The following NACA variants were observed in gnomAD, a reference collection of about 807,000 sequenced individuals.
The protein encoded by NACA is nascent polypeptide-associated complex subunit alpha.
NACA carries 42 observed loss-of-function variants against 86.4 expected under a neutral mutation model. The ratio of observed to expected loss-of-function variants is 0.49; its 90% CI spans 0.38 to 0.63. The LOEUF (loss-of-function observed/expected upper bound fraction) is 0.63, where lower values mean the gene tolerates loss of function less well. Ranked by LOEUF, NACA falls within the 20% of genes least tolerant of loss-of-function variation. NACA has a pLI of 0.00. For synonymous variants in NACA, 898 were observed against 973.7 expected (o/e 0.92, Z 1.45); for missense variants, 2,157 against 2,483.6 (o/e 0.87, Z 2.80).
intron 5 of NACA, chr12:56,714,010 A>G (rs1474500722): frequency 5.3e-6 from 2 of 376,388 alleles, no homozygotes; most frequent in African/African-American, 4.1e-5. Context: ...GCCCTGCTAT[A>G]TATTTTTGGT....
rs750209011 is a variant in NACA at position 56,720,705 on chromosome 12, G to C, written c.825C>G (p.Ala275=). The change falls in exon 3 of 9, where the codon GCC becomes GCG. Residue 275 remains alanine (A), a synonymous_variant. Coordinates refer to ENST00000454682, the MANE Select transcript of NACA (RefSeq NM_001365896.1). ...GAAGAGACTGAGTTGAAAGAGATAA[G>C]GCAGCAGGTGGACTAACAGGCCCCT... is the stretch of plus-strand genomic sequence containing the variant. ...SLKGPVSPPA[A]LSLSTQSLPV... The C allele has an allele frequency of 6.2e-6, 10 of 1,613,854 alleles. No individual in the cohort carries two copies. The highest frequency in any genetic ancestry group is 1.7e-5 in the Admixed American group (1 of 60,002).
At chr12:56,714,813 A>T (rs147964444) in intron 3 of NACA, 126 bp from the exon 4 acceptor site, 861 of 857,682 alleles carry the variant, frequency 1.0e-3, no homozygotes, top group Non-Finnish European at 1.5e-3. Flanking sequence ...ATGTAAACCA[A>T]CTGGCTTGTG....
chr12:56,713,249 C>A (rs1953263692), intron 6 of NACA, 59 bp from the exon 7 acceptor site: 4 of 1,569,324 alleles, frequency 2.5e-6, no homozygotes, highest in East Asian at 2.3e-5. Flanking sequence ...AAAAATAAAT[C>A]ATATAGTTTC....
In NACA at chr12:56,717,121, A is replaced by C; in HGVS notation, c.4409T>G (p.Val1470Gly). The change falls in exon 3 of 9, where the codon GTG becomes GGG. Residue 1470 changes from valine (V) to glycine (G), a missense_variant. By Grantham distance (109) the Val-to-Gly change is moderately radical (BLOSUM62 -3). This residue lies in a region of NACA where 797 missense variants were observed against 777.6 expected (regional missense o/e 1.02). Coordinates refer to ENST00000454682, the MANE Select transcript of NACA (RefSeq NM_001365896.1). The stretch of plus-strand genomic sequence containing the variant: ...GGGCTCCTTGGGGGAAGGAGGAGTC[A>C]CTGCTGGGAGGGTGGGATCCCCTTT... The part of the protein sequence containing the change: ...SSKGDPTLPA[V>G]TPPSPKEPPA... 1 of 1,237,030 alleles carries C rather than the reference A, an allele frequency of 8.1e-7. No homozygotes were observed. The highest frequency in any genetic ancestry group is 1.0e-6 in the Non-Finnish European group (1 of 973,098). 76.6% of individuals were successfully genotyped at this position (1,237,030 alleles called of 1,614,324 possible).
At chr12:56,714,552 G>A in intron 4 of NACA, 50 bp downstream of exon 4, 1 of 1,608,572 alleles carries the variant, frequency 6.2e-7, no homozygotes, top group Admixed American at 1.7e-5. Flanking sequence ...AAGTTGCCCT[G>A]ATCAACCCTG....
rs376889735 is a variant in NACA, at chr12:56,716,870, T to C, written c.4660A>G (p.Thr1554Ala). Residue 1554 changes from threonine to alanine, a missense_variant, in exon 3 of 9, where the codon ACT (threonine) becomes GCT (alanine). Around this residue, in one of 8 missense-constraint regions of NACA, gnomAD observed 797 missense variants for 777.6 expected, o/e 1.02. Coordinates refer to ENST00000454682, the MANE Select transcript of NACA (RefSeq NM_001365896.1). ...GGGGTCTTTTTAGGGGAGGGAACAG[T>C]CATAGCTGGGGGAATGAGGGCCTCT... ...PKEALIPPAMTVPSPKKTPAI... is the reference protein window; with the variant it reads ...PKEALIPPAMAVPSPKKTPAI... 2.7e-4 allele frequency: 355 copies of C among 1,319,230 alleles called. No individual in the cohort carries two copies. The highest frequency in any genetic ancestry group is 3.3e-4 in the Non-Finnish European group (337 of 1,014,330). The allele number at this position is 1,319,230 out of a possible 1,614,324, so 81.7% of individuals were successfully genotyped here.
chr12:56,723,349 T>A (rs1363333995), intron 2 of NACA, among the ~76,000 whole-genome samples: 1 of 152,244 alleles, frequency 6.6e-6, no homozygotes, highest in African/African-American at 2.4e-5. Flanking sequence ...TCTAAATTCA[T>A]CTGAATTTCA....
chr12:56,719,904 G>A lies in NACA; in HGVS notation c.1626C>T (p.Ala542=). ...GTCCTGCTTGGGCTGGAGAGAAAGG[G>A]GCTCCTTCAAGAGAGGCAGGTACAG... ...LQTVPASLEG[A]PFSPAQAGLT... is the part of the protein sequence containing the mutation. Residue 542 remains alanine, a synonymous_variant, in exon 3 of 9, where the codon GCC becomes GCT. Coordinates refer to ENST00000454682, the MANE Select transcript of NACA (RefSeq NM_001365896.1). 1.2e-6 allele frequency: 2 copies of A among 1,613,834 alleles called. No homozygotes were observed. Among genetic ancestry groups the A allele is most frequent in the Non-Finnish European group, 1.7e-6 (2 of 1,179,856 alleles).
Position 56,723,096 on chromosome 12 carries a change from C to G in NACA, c.70+1356G>C, listed in dbSNP as rs150699625. Among the ~76,000 whole-genome samples the G allele has an allele frequency of 1.8e-4, 27 of 152,304 alleles. 1 individual carries two copies. The highest frequency in any genetic ancestry group is 1.4e-4 in the African/African-American group (6 of 41,560). On this transcript the variant is annotated intron_variant, in intron 2 of 8. Coordinates refer to ENST00000454682, the MANE Select transcript of NACA (RefSeq NM_001365896.1). ...GAATTAAAAACATGGAATATGTTTT[C>G]TTCTGACTGGACCTCAAATGGAATA...
rs1033168651 is a variant in NACA at position 56,712,714 on chromosome 12, G to A, written c.6222+72C>T. 7 of 1,607,908 alleles carry A rather than the reference G, an allele frequency of 4.4e-6. No homozygotes were observed. The African/African-American group carries it at 6.7e-5, about 15-fold the overall frequency. ...AGGTTCCTTAATTGGCTGATATTTA[G>A]CAAGACAAAATAAAGTCACTCATAA... On this transcript the variant is annotated intron_variant, in intron 8 of 8. Coordinates refer to ENST00000454682, the MANE Select transcript of NACA (RefSeq NM_001365896.1).
Position 56,716,528 on chromosome 12 carries a change from C to G in NACA, c.5002G>C (p.Ala1668Pro). 1 of 1,482,714 alleles carries G rather than the reference C, an allele frequency of 6.7e-7. No individual in the cohort carries two copies. Among genetic ancestry groups the G allele is most frequent in the African/African-American group, 1.4e-5 (1 of 72,716 alleles). 91.8% of individuals were successfully genotyped at this position (1,482,714 alleles called of 1,614,324 possible). ...TTCTTTGCTGGAAGCCCTTTAGATG[C>G]TTGAGGAACAGTGGCCCCCATTTTA... ...TCKMGATVPQ[A>P]SKGLPAKKGP... Residue 1668 changes from alanine to proline, a missense_variant, in exon 3 of 9, where the codon GCA becomes CCA. Ala to Pro is a conservative substitution (Grantham distance 27). Coordinates refer to ENST00000454682, the MANE Select transcript of NACA (RefSeq NM_001365896.1).
chr12:56,713,335 T>TTG, intron 6 of NACA, 145 bp from the exon 7 acceptor site: 1 of 1,247,422 alleles, frequency 8.0e-7, no homozygotes, highest in Non-Finnish European at 1.1e-6. Flanking sequence ...GAAAGAGTAG[T>TTG]TGTTTAGGTT....
At chr12:56,714,911 C>G (rs2290894) in intron 3 of NACA, among the ~76,000 whole-genome samples, 94,238 of 151,998 alleles carry the variant, frequency 0.62, 29,660 homozygotes, top group South Asian at 0.75. Context: ...GAAATGAGGA[C>G]TAATCACTAG....
In NACA at chr12:56,719,419, G is replaced by C. The variant is rs1410056888; in HGVS notation, c.2111C>G (p.Ala704Gly). 3.1e-6 allele frequency: 5 copies of C among 1,612,426 alleles called. No individual in the cohort carries two copies. The Admixed American group carries it at 6.7e-5, about 22-fold the overall frequency. The change falls in exon 3 of 9, where the codon GCT becomes GGT. Residue 704 changes from alanine (A) to glycine (G), a missense_variant. Physicochemically the swap from Ala to Gly is moderately conservative, Grantham distance 60. Coordinates refer to ENST00000454682, the MANE Select transcript of NACA (RefSeq NM_001365896.1). ...TGGAGCCACAGGGCAATTTTCTGAA[G>C]CTGTAGGAACCAAGGGTAAAGTAGT... ...TLTTLPLVPTASENCPVAPSP... is the reference protein window; with the variant it reads ...TLTTLPLVPTGSENCPVAPSP...
chr12:56,724,616 G>A (rs567048385), intron 1 of NACA, 93 bp from the exon 2 acceptor site: 8 of 1,367,378 alleles, frequency 5.9e-6, no homozygotes, highest in East Asian at 5.1e-5. Context: ...CTCCGAGGAG[G>A]GCTGTTAGAA....
rs1193189159 is a variant in NACA, at chr12:56,721,410, C to A, written c.120G>T (p.Gln40His). 2 of 1,553,256 alleles carry A rather than the reference C, an allele frequency of 1.3e-6. No individual in the cohort carries two copies. Among genetic ancestry groups the A allele is most frequent in the Non-Finnish European group, 1.7e-6 (2 of 1,155,896 alleles). The change falls in exon 3 of 9, where the codon CAG becomes CAT. Residue 40 changes from glutamine (Q) to histidine (H), a missense_variant. Coordinates refer to ENST00000454682, the MANE Select transcript of NACA (RefSeq NM_001365896.1). ...AAGGAGGGGGGAGGGTAGGTCCAGG[C>A]TGCCCTAAGGCAGCAGTGACACTCA... ...SALSVTAALG[Q>H]PGPTLPPPCS...
At chr12:56,724,552 A>T in intron 1 of NACA, 29 bp from the exon 2 acceptor site, 1 of 1,601,186 alleles carries the variant, frequency 6.2e-7, no homozygotes. Context: ...AAGGAGGCCT[A>T]AATTGATTGG....
chr12:56,714,156 C>G, intron 5 of NACA: 1 of 562,222 alleles, frequency 1.8e-6, no homozygotes, highest in South Asian at 2.2e-5. Context: ...ACTTCTGTTA[C>G]TTTCAACGGG....
intron 1 of NACA, chr12:56,724,771 C>A: frequency 2.0e-6 from 1 of 501,274 alleles, no homozygotes; most frequent in South Asian, 2.3e-5. Flanking sequence ...GGCTGGCTCT[C>A]GATCATGGGA....
Sources: allele counts gnomAD v4.1 joint callset (sites outside exome capture counted in the v4.1 genomes callset), GRCh38; gene constraint gnomAD v4.1.1; regional missense constraint gnomAD v4.1.1; transcripts MANE v1.5; gene names NCBI Gene and HGNC (gene_info 2026-07-23, HGNC 2026-07-21).